Variants in LGR6 observed in about 807,000 individuals in gnomAD.
LGR6 encodes the protein leucine-rich repeat-containing G protein-coupled receptor 6.
A neutral mutation model predicts 69.4 loss-of-function variants in LGR6; 45 were observed. The ratio of observed to expected loss-of-function variants is 0.65; its 90% CI spans 0.51 to 0.83. The LOEUF is 0.83. Ranked by LOEUF, LGR6 falls within the 40% of genes least tolerant of loss-of-function variation. LGR6 has a pLI of 0.00. For missense variants in LGR6, 1,108 were observed against 1,246.7 expected, an observed-to-expected ratio of 0.89 and a Z score of 1.68; for synonymous variants, 538 against 555.0, an observed-to-expected ratio of 0.97 and a Z score of 0.43.
intron 4 of LGR6, among the ~76,000 whole-genome samples, chr1:202,271,644 G>A (rs1005960363): frequency 6.6e-5 from 10 of 151,674 alleles, no homozygotes; most frequent in African/African-American, 1.2e-4. Context: ...CTGTCTCTAC[G>A]AAAATACAAA....
intron 5 of LGR6, among the ~76,000 whole-genome samples, chr1:202,278,029 A>G (rs910516895): frequency 1.3e-5 from 2 of 152,148 alleles, no homozygotes; most frequent in African/African-American, 4.8e-5. Context: ...GAAGCTGGAA[A>G]GGTGCATGTC....
chr1:202,251,933 G>A (rs1243184166), intron 4 of LGR6, among the ~76,000 whole-genome samples: 1 of 152,084 alleles, frequency 6.6e-6, no homozygotes, highest in Non-Finnish European at 1.5e-5. Flanking sequence ...CCAGACTGAG[G>A]GGATGAGGGG....
chr1:202,282,064 C>T (rs1666048614), intron 6 of LGR6, among the ~76,000 whole-genome samples: 1 of 152,196 alleles, frequency 6.6e-6, no homozygotes, highest in South Asian at 2.1e-4. Flanking sequence ...TGGGCTTAGC[C>T]TGAAGCGGGA....
At chr1:202,295,832 C>T (rs1257243039) in intron 6 of LGR6, among the ~76,000 whole-genome samples, 2 of 151,786 alleles carry the variant, frequency 1.3e-5, no homozygotes, top group African/African-American at 4.8e-5. Context: ...TGTAATTACC[C>T]AAGATCACCA....
intron 4 of LGR6, among the ~76,000 whole-genome samples, chr1:202,239,245 C>T (rs1661932268): frequency 6.6e-6 from 1 of 152,076 alleles, no homozygotes; most frequent in African/African-American, 2.4e-5. Context: ...TTACTCATCC[C>T]TTCAAGCTTT....
chr1:202,315,191 T>G (rs1435602040), intron 17 of LGR6, among the ~76,000 whole-genome samples: 3 of 152,194 alleles, frequency 2.0e-5, no homozygotes. Context: ...TTGACCCCAT[T>G]GCTCAGGGTG....
At chr1:202,216,637 G>A (rs892828620) in intron 1 of LGR6, among the ~76,000 whole-genome samples, 1 of 152,126 alleles carries the variant, frequency 6.6e-6, no homozygotes, top group Non-Finnish European at 1.5e-5. Context: ...AGGTAGTAGA[G>A]AGCAGAGGGG....
At position 202,281,569 on chromosome 1, in the gene LGR6, C is replaced by T. The variant is rs1025194755; in HGVS notation, c.716+717C>T. Among the ~76,000 whole-genome samples, 6 of 152,186 alleles carry T rather than the reference C, an allele frequency of 3.9e-5. No individual in the cohort carries two copies. The East Asian group carries it at 1.2e-3, about 30-fold the overall frequency. On this transcript the variant is annotated intron_variant, in intron 6 of 17. Coordinates refer to ENST00000367278, the MANE Select transcript of LGR6 (RefSeq NM_001017403.2). ...ACTGGCTGGGCTCTCCAAGTGTGGC[C>T]GTTTCTGCCAGCTGGGGTCCCTCAG...
chr1:202,255,163 C>T (rs974094882), intron 4 of LGR6, among the ~76,000 whole-genome samples: 46 of 152,264 alleles, frequency 3.0e-4, no homozygotes, highest in African/African-American at 1.1e-3. Context: ...CTAAGGACTG[C>T]CTCACAGGCA....
chr1:202,216,075 G>A (rs1490521639), intron 1 of LGR6, among the ~76,000 whole-genome samples: 3 of 152,166 alleles, frequency 2.0e-5, no homozygotes, highest in Admixed American at 6.5e-5. Flanking sequence ...GGACTTTGCC[G>A]CTTCGTCACC....
chr1:202,214,751 G>A (rs1436766991), intron 1 of LGR6, among the ~76,000 whole-genome samples: 1 of 152,210 alleles, frequency 6.6e-6, no homozygotes, highest in African/African-American at 2.4e-5. Context: ...GACGTGGAGT[G>A]GGGGTCTGGA....
intron 3 of LGR6, among the ~76,000 whole-genome samples, chr1:202,233,099 A>T (rs759895739): frequency 6.6e-6 from 1 of 152,206 alleles, no homozygotes; most frequent in African/African-American, 2.4e-5. Flanking sequence ...CTGGCATAGG[A>T]TGAGTTGTCT....
intron 4 of LGR6, among the ~76,000 whole-genome samples, chr1:202,267,169 G>A (rs1664735391): frequency 6.6e-6 from 1 of 152,214 alleles, no homozygotes; most frequent in African/African-American, 2.4e-5. Context: ...TCTGCAGAAA[G>A]CTCTATTGAA....
At chr1:202,257,439 T>C (rs1663866108) in intron 4 of LGR6, among the ~76,000 whole-genome samples, 1 of 152,188 alleles carries the variant, frequency 6.6e-6, no homozygotes, top group Non-Finnish European at 1.5e-5. Context: ...TTTAGGTCTT[T>C]AAACCATTTT....
chr1:202,276,189 C>A, intron 4 of LGR6, 117 bp from the exon 5 acceptor site: 1 of 765,204 alleles, frequency 1.3e-6, no homozygotes, highest in Non-Finnish European at 2.2e-6. Context: ...CAAGTCACAA[C>A]TTTAGTCCCA....
At chr1:202,296,889 C>T (rs1667198288) in intron 6 of LGR6, among the ~76,000 whole-genome samples, 1 of 152,074 alleles carries the variant, frequency 6.6e-6, no homozygotes, top group Non-Finnish European at 1.5e-5. Flanking sequence ...GCTTGTTTTC[C>T]CACATTCTTG....
intron 4 of LGR6, among the ~76,000 whole-genome samples, chr1:202,264,307 A>G (rs746181476): frequency 1.3e-5 from 2 of 152,182 alleles, no homozygotes; most frequent in East Asian, 1.9e-4. Flanking sequence ...CCTGGTGCCT[A>G]TTACTACAAA....
chr1:202,204,520 TCC>T (rs1658992650), intron 1 of LGR6, among the ~76,000 whole-genome samples: 16 of 3,110 alleles, frequency 5.1e-3, no homozygotes, highest in East Asian at 0.019. Flanking sequence ...CACACACACC[TCC>T]AAACACACAC....
chr1:202,215,020 T>TGTGTGTGTGC (rs144255206), intron 1 of LGR6, among the ~76,000 whole-genome samples: 124 of 135,914 alleles, frequency 9.1e-4, no homozygotes, highest in Middle Eastern at 3.7e-3. Flanking sequence ...TGTGTGTGTG[T>TGTGTGTGTGC]GCGCGCGCGC....
Sources: allele counts gnomAD v4.1 joint callset (sites outside exome capture counted in the v4.1 genomes callset), GRCh38; gene constraint gnomAD v4.1.1; transcripts MANE v1.5; gene names NCBI Gene and HGNC (gene_info 2026-07-23, HGNC 2026-07-21).